The following CACNA2D3 variants were observed in gnomAD, a reference collection of about 807,000 sequenced individuals.
CACNA2D3 encodes voltage-dependent calcium channel subunit alpha-2/delta-3.
Under a neutral mutation model 160.6 loss-of-function variants are expected in CACNA2D3, and 60 were observed. The ratio of observed to expected loss-of-function variants is 0.37; its 90% CI spans 0.30 to 0.46. The LOEUF (loss-of-function observed/expected upper bound fraction) is 0.46, where lower values mean the gene tolerates loss of function less well. Ranked by LOEUF, CACNA2D3 falls within the 20% of genes least tolerant of loss-of-function variation. CACNA2D3 has a pLI of 1.00. For missense variants in CACNA2D3, 1,205 were observed against 1,365.0 expected, an observed-to-expected ratio of 0.88 and a Z score of 1.85; for synonymous variants, 558 against 492.9, an observed-to-expected ratio of 1.13 and a Z score of -1.75.
chr3:54,189,066 G>A (rs1183625470), intron 2 of CACNA2D3, among the ~76,000 whole-genome samples: 15 of 152,192 alleles, frequency 9.9e-5, no homozygotes, highest in Non-Finnish European at 1.5e-5. Flanking sequence ...TTTATTACAA[G>A]CATGAGCTAA....
intron 2 of CACNA2D3, among the ~76,000 whole-genome samples, chr3:54,311,460 TG>T (rs1345954823): frequency 1.3e-5 from 2 of 152,194 alleles, no homozygotes; most frequent in Non-Finnish European, 2.9e-5. Flanking sequence ...TCCCCTTTTC[TG>T]GGAACTTTGA....
chr3:54,966,476 A>G (rs1429260706), intron 27 of CACNA2D3, among the ~76,000 whole-genome samples: 1 of 152,200 alleles, frequency 6.6e-6, no homozygotes, highest in Non-Finnish European at 1.5e-5. Flanking sequence ...CTGATTTACT[A>G]AAGCCATCCC....
chr3:54,685,490 T>TTGG (rs1159081105), intron 11 of CACNA2D3, among the ~76,000 whole-genome samples: 1 of 152,224 alleles, frequency 6.6e-6, no homozygotes, highest in Non-Finnish European at 1.5e-5. Context: ...AATCAGTCAG[T>TTGG]CAATCTGATT....
intron 5 of CACNA2D3, among the ~76,000 whole-genome samples, chr3:54,511,958 C>T (rs1233742572): frequency 6.6e-6 from 1 of 152,210 alleles, no homozygotes; most frequent in Non-Finnish European, 1.5e-5. Flanking sequence ...GCAACTGTTG[C>T]AGCCTGTGGT....
intron 3 of CACNA2D3, among the ~76,000 whole-genome samples, chr3:54,382,779 G>A (rs190259829): frequency 5.3e-4 from 80 of 152,354 alleles, no homozygotes; most frequent in African/African-American, 1.8e-3. Context: ...GCGAGACTCC[G>A]TCTCAAAAAC....
intron 3 of CACNA2D3, chr3:54,386,116 T>G: frequency 2.7e-6 from 1 of 370,584 alleles, no homozygotes. Flanking sequence ...AAGAATTGTG[T>G]TGTTGTGGGT....
chr3:54,461,988 G>A (rs893749293), intron 4 of CACNA2D3, among the ~76,000 whole-genome samples: 12 of 152,086 alleles, frequency 7.9e-5, no homozygotes, highest in East Asian at 1.9e-4. Context: ...CTTTGTTCTG[G>A]TTGGTTTCAA....
At chr3:54,858,931 T>C (rs1016019086) in intron 17 of CACNA2D3, among the ~76,000 whole-genome samples, 1 of 152,222 alleles carries the variant, frequency 6.6e-6, no homozygotes, top group Non-Finnish European at 1.5e-5. Context: ...GAGCATTAAA[T>C]TGCTATCTAA....
chr3:54,496,706 C>T (rs752775374), intron 4 of CACNA2D3, among the ~76,000 whole-genome samples: 5 of 152,154 alleles, frequency 3.3e-5, no homozygotes, highest in Non-Finnish European at 5.9e-5. Context: ...AAGAAATCAA[C>T]GCCTACCTGG....
At chr3:54,877,140 T>C (rs2106832949) in intron 18 of CACNA2D3, 3 of 152,254 alleles carry the variant, frequency 2.0e-5, no homozygotes, top group Admixed American at 2.0e-4. Context: ...ATGAGCAACA[T>C]AGCAACGAAA....
At chr3:54,142,974 C>T (rs543463991) in intron 2 of CACNA2D3, among the ~76,000 whole-genome samples, 6 of 152,170 alleles carry the variant, frequency 3.9e-5, no homozygotes, top group African/African-American at 1.2e-4. Flanking sequence ...TGTACAAGTA[C>T]AACAACCCTG....
At chr3:54,420,509 C>T (rs754926904) in intron 4 of CACNA2D3, among the ~76,000 whole-genome samples, 4 of 152,154 alleles carry the variant, frequency 2.6e-5, no homozygotes, top group Non-Finnish European at 5.9e-5. Context: ...AGGTTTTGAC[C>T]TCAGATCTCA....
chr3:54,707,558 G>C (rs573498801), intron 11 of CACNA2D3, among the ~76,000 whole-genome samples: 1 of 152,150 alleles, frequency 6.6e-6, no homozygotes, highest in African/African-American at 2.4e-5. Flanking sequence ...CATTGGTTTT[G>C]TTGGCTGGAA....
At chr3:54,695,415 T>C (rs930273498) in intron 11 of CACNA2D3, among the ~76,000 whole-genome samples, 2 of 151,848 alleles carry the variant, frequency 1.3e-5, no homozygotes, top group African/African-American at 4.8e-5. Context: ...TAAACCATCA[T>C]CTTTGTGCAT....
At chr3:54,302,753 A>G (rs1355158501) in intron 2 of CACNA2D3, among the ~76,000 whole-genome samples, 1 of 149,070 alleles carries the variant, frequency 6.7e-6, no homozygotes, top group Non-Finnish European at 1.5e-5. Context: ...CTGTCTGTCC[A>G]CTCCTCCTTC....
chr3:54,620,790 C>T (rs1698968967), intron 9 of CACNA2D3, among the ~76,000 whole-genome samples: 1 of 152,190 alleles, frequency 6.6e-6, no homozygotes, highest in Non-Finnish European at 1.5e-5. Context: ...ACTTTGAAAC[C>T]CACTCTGCTG....
At chr3:54,462,472 A>G (rs1349182930) in intron 4 of CACNA2D3, among the ~76,000 whole-genome samples, 1 of 152,202 alleles carries the variant, frequency 6.6e-6, no homozygotes, top group African/African-American at 2.4e-5. Flanking sequence ...TATTGGGGGC[A>G]TATATATTTA....
intron 9 of CACNA2D3, among the ~76,000 whole-genome samples, chr3:54,614,783 C>A (rs570872504): frequency 2.4e-4 from 37 of 152,176 alleles, no homozygotes; most frequent in African/African-American, 8.7e-4. Context: ...TGTATGGGGC[C>A]TTGGTAGCAA....
At chr3:54,536,770 T>A (rs1007108405) in intron 5 of CACNA2D3, among the ~76,000 whole-genome samples, 1 of 152,188 alleles carries the variant, frequency 6.6e-6, no homozygotes. Flanking sequence ...AGAGCATCTT[T>A]CCTCTGTCTC....
Sources: allele counts gnomAD v4.1 joint callset (sites outside exome capture counted in the v4.1 genomes callset), GRCh38; gene constraint gnomAD v4.1.1; transcripts MANE v1.5; gene names NCBI Gene and HGNC (gene_info 2026-07-23, HGNC 2026-07-21).